The following TSPAN15 variants were observed in gnomAD, a reference collection of about 807,000 sequenced individuals.
The protein encoded by TSPAN15 is tetraspanin 15.
Under a neutral mutation model 34.5 loss-of-function variants are expected in TSPAN15, and 20 were observed. That is an observed-to-expected ratio of 0.58 (90% confidence interval 0.41 to 0.84). The LOEUF is 0.84. Among genes scored for constraint, TSPAN15 ranks in the 40% least tolerant of loss-of-function variants. The pLI is 0.00. For synonymous variants in TSPAN15, 155 were observed against 153.9 expected, an observed-to-expected ratio of 1.01 and a Z score of -0.05; for missense variants, 313 against 386.1, an observed-to-expected ratio of 0.81 and a Z score of 1.59.
At chr10:69,484,936 C>T (rs1469227963) in intron 2 of TSPAN15, among the ~76,000 whole-genome samples, 2 of 152,146 alleles carry the variant, frequency 1.3e-5, no homozygotes, top group South Asian at 4.1e-4. Flanking sequence ...TTCCTGCCCT[C>T]CGGCTCCAGA....
intron 1 of TSPAN15, among the ~76,000 whole-genome samples, chr10:69,481,779 T>A (rs765267252): frequency 6.6e-6 from 1 of 152,206 alleles, no homozygotes; most frequent in Non-Finnish European, 1.5e-5. Context: ...TACTCTCCCA[T>A]GTTGCCTTCA....
the TSPAN15 span, among the ~76,000 whole-genome samples, chr10:69,543,256 G>A: frequency 6.6e-6 from 1 of 152,106 alleles, no homozygotes; most frequent in Non-Finnish European, 1.5e-5. Context: ...TTCCAAAGGG[G>A]GGTAAGACAT....
chr10:69,484,695 T>C (rs1409123356), intron 2 of TSPAN15, among the ~76,000 whole-genome samples: 1 of 152,076 alleles, frequency 6.6e-6, no homozygotes, highest in African/African-American at 2.4e-5. Context: ...CCTCTAAGCT[T>C]CAGCCATCCC....
chr10:69,458,237 C>G (rs960416624), intron 1 of TSPAN15, among the ~76,000 whole-genome samples: 2 of 149,632 alleles, frequency 1.3e-5, no homozygotes, highest in South Asian at 4.4e-4. Context: ...AAAGAAAGCA[C>G]TTCTCTGGAG....
chr10:69,490,183 T>C (rs1841938906), intron 3 of TSPAN15, among the ~76,000 whole-genome samples: 1 of 152,146 alleles, frequency 6.6e-6, no homozygotes, highest in Non-Finnish European at 1.5e-5. Context: ...ACAAGCTGGC[T>C]CTGGGCACAA....
chr10:69,519,038 A>T, the TSPAN15 span, among the ~76,000 whole-genome samples: 1 of 152,244 alleles, frequency 6.6e-6, no homozygotes, highest in African/African-American at 2.4e-5. Flanking sequence ...TGCGTGGAAT[A>T]GTATACAGCT....
intron 1 of TSPAN15, among the ~76,000 whole-genome samples, chr10:69,467,199 T>G (rs1841402944): frequency 6.6e-6 from 1 of 152,216 alleles, no homozygotes; most frequent in African/African-American, 2.4e-5. Flanking sequence ...GGGCATGTTC[T>G]AAAGCCCTCG....
chr10:69,530,830 A>C, the TSPAN15 span, among the ~76,000 whole-genome samples: 3,479 of 75,494 alleles, frequency 0.046, 37 homozygotes, highest in African/African-American at 0.055. Flanking sequence ...CTATATATAT[A>C]TATATATATA....
intron 1 of TSPAN15, among the ~76,000 whole-genome samples, chr10:69,475,570 G>A (rs941230843): frequency 4.6e-5 from 7 of 152,254 alleles, no homozygotes; most frequent in Middle Eastern, 3.4e-3. Context: ...TTCATTTGTG[G>A]TTGTTCTGGA....
chr10:69,523,167 A>G, the TSPAN15 span: 1,317 of 203,834 alleles, frequency 6.5e-3, 87 homozygotes, highest in African/African-American at 0.03. Flanking sequence ...CATTTATTTA[A>G]AAGACTGTCC....
chr10:69,467,157 C>T (rs913757699), intron 1 of TSPAN15, among the ~76,000 whole-genome samples: 1 of 152,200 alleles, frequency 6.6e-6, no homozygotes, highest in Non-Finnish European at 1.5e-5. Context: ...CCTCCTTCTC[C>T]CTTCCCCCAG....
chr10:69,543,456 G>T, the TSPAN15 span, among the ~76,000 whole-genome samples: 1 of 152,196 alleles, frequency 6.6e-6, no homozygotes, highest in African/African-American at 2.4e-5. Flanking sequence ...CTGTCTATTT[G>T]TTGAGATAAG....
the TSPAN15 span, among the ~76,000 whole-genome samples, chr10:69,544,684 A>G: frequency 6.6e-6 from 1 of 152,164 alleles, no homozygotes; most frequent in Non-Finnish European, 1.5e-5. Context: ...TGAGTACTGG[A>G]TAGACCTACT....
chr10:69,496,980 A>G (rs1461018748), intron 4 of TSPAN15, among the ~76,000 whole-genome samples: 1 of 152,204 alleles, frequency 6.6e-6, no homozygotes, highest in Non-Finnish European at 1.5e-5. Context: ...TGCCAGGTCC[A>G]GTGCTGAGTG....
At chr10:69,489,812 C>G (rs1841931090) in intron 3 of TSPAN15, among the ~76,000 whole-genome samples, 1 of 152,210 alleles carries the variant, frequency 6.6e-6, no homozygotes, top group African/African-American at 2.4e-5. Context: ...CAGAGCAGCC[C>G]TTAGGAGCAG....
At chr10:69,454,507 A>G (rs1841041328) in intron 1 of TSPAN15, among the ~76,000 whole-genome samples, 1 of 146,308 alleles carries the variant, frequency 6.8e-6, no homozygotes, top group Admixed American at 6.8e-5. Context: ...ACAGTGTAAG[A>G]CTCGGTTTAA....
At position 69,507,425 on chromosome 10, in the gene TSPAN15, C is replaced by A; in HGVS notation, c.*447C>A. On this transcript the variant is annotated 3_prime_UTR_variant, in exon 8 of 8. Transcript: ENST00000373290. ...GGGCAGGAGGGAAGAGCTGTCCATG[C>A]AGCCACGCCCATGGCCAGGTTGGCC... is the stretch of plus-strand genomic sequence containing the variant. 1 of 1,270,042 alleles carries A rather than the reference C, an allele frequency of 7.9e-7. No individual in the cohort carries two copies. Among genetic ancestry groups the A allele is most frequent in the Non-Finnish European group, 1.0e-6 (1 of 977,660 alleles). 78.7% of individuals were successfully genotyped at this position (1,270,042 alleles called of 1,614,324 possible). A position where few individuals can be genotyped will look rare whatever the true frequency, so the allele number is the denominator to read the frequency against.
In TSPAN15 at chr10:69,485,235, T is replaced by C; in HGVS notation, c.357+20T>C. ...AACCAGGTGGGCCTGTGGATTTGTG[T>C]ATCGGCCATGTGTGTATGGAGCACC... is the stretch of plus-strand genomic sequence containing the variant. On this transcript the variant is annotated intron_variant, in intron 3 of 7. Transcript: ENST00000373290. The C allele has an allele frequency of 6.2e-7, 1 of 1,612,928 alleles. No individual in the cohort carries two copies. The highest frequency in any genetic ancestry group is 1.1e-5 in the South Asian group (1 of 91,060).
At chr10:69,543,846 T>A in the TSPAN15 span, among the ~76,000 whole-genome samples, 1 of 8,890 alleles carries the variant, frequency 1.1e-4, no homozygotes, top group East Asian at 9.7e-4. Flanking sequence ...AGAAGGGGAG[T>A]GTGTGTGTGT....
Sources: allele counts gnomAD v4.1 joint callset (sites outside exome capture counted in the v4.1 genomes callset), GRCh38; gene constraint gnomAD v4.1.1; transcripts MANE v1.5; gene names NCBI Gene and HGNC (gene_info 2026-07-23, HGNC 2026-07-21).